BCL9: variants seen among roughly 807,000 people sequenced by gnomAD.
The protein encoded by BCL9 is BCL9 transcription coactivator.
Under a neutral mutation model 88.5 loss-of-function variants are expected in BCL9, and 25 were observed. The observed-to-expected ratio is 0.28, with a 90% CI of 0.21 to 0.39. BCL9 has a LOEUF of 0.39. Ranked by LOEUF, BCL9 falls within the 10% of genes least tolerant of loss-of-function variation. BCL9 has a pLI of 1.00. For missense variants in BCL9, 1,817 were observed against 1,877.8 expected, an observed-to-expected ratio of 0.97 and a Z score of 0.60; for synonymous variants, 711 against 673.3, an observed-to-expected ratio of 1.06 and a Z score of -0.87.
chr1:147,593,079 C>T (rs1656913723), intron 1 of BCL9, among the ~76,000 whole-genome samples: 1 of 152,160 alleles, frequency 6.6e-6, no homozygotes, highest in Admixed American at 6.5e-5. Flanking sequence ...TTATTACCAT[C>T]ACCATCATCA....
chr1:147,604,564 GGGAT>G (rs1236322746), intron 1 of BCL9, among the ~76,000 whole-genome samples: 1 of 152,172 alleles, frequency 6.6e-6, no homozygotes, highest in Admixed American at 6.5e-5. Context: ...AGGCCTCAGT[GGGAT>G]GGATTTGGGC....
chr1:147,615,728 G>T, intron 6 of BCL9, 75 bp from the exon 7 acceptor site: 1 of 1,213,326 alleles, frequency 8.2e-7, no homozygotes, highest in Non-Finnish European at 1.2e-6. Context: ...TTATTGTGTG[G>T]TTAAAGTGCT....
chr1:147,607,506 A>G (rs587623779), intron 3 of BCL9, among the ~76,000 whole-genome samples: 1 of 152,364 alleles, frequency 6.6e-6, no homozygotes, highest in African/African-American at 2.4e-5. Context: ...ATATGTAATT[A>G]CAAAGCATGA....
intron 8 of BCL9, among the ~76,000 whole-genome samples, chr1:147,621,793 A>T (rs1418422606): frequency 6.6e-6 from 1 of 152,098 alleles, no homozygotes; most frequent in African/African-American, 2.4e-5. Context: ...GCCCCCTCAG[A>T]CCTTCTTGGT....
At chr1:147,571,498 G>A (rs587757573) in intron 1 of BCL9, among the ~76,000 whole-genome samples, 1 of 152,266 alleles carries the variant, frequency 6.6e-6, no homozygotes, top group South Asian at 2.1e-4. Flanking sequence ...CAAAGCTCCT[G>A]GGTTGGGAGG....
At chr1:147,567,173 C>CT (rs1655643666) in intron 1 of BCL9, among the ~76,000 whole-genome samples, 1 of 152,156 alleles carries the variant, frequency 6.6e-6, no homozygotes, top group Non-Finnish European at 1.5e-5. Flanking sequence ...CCCAACCCTC[C>CT]TTCTGCTGAC....
intron 2 of BCL9, 38 bp from the exon 3 acceptor site, chr1:147,606,746 T>A (rs1247869367): frequency 3.3e-5 from 5 of 152,556 alleles, no homozygotes; most frequent in East Asian, 1.9e-4. Context: ...TTGATTTTTT[T>A]AAAAATCTGC....
At chr1:147,574,217 CA>C (rs1477992550) in intron 1 of BCL9, among the ~76,000 whole-genome samples, 3 of 152,124 alleles carry the variant, frequency 2.0e-5, no homozygotes, top group African/African-American at 7.2e-5. Context: ...AATATAACTG[CA>C]AGGCAAAAGG....
chr1:147,563,600 A>G (rs949645005), intron 1 of BCL9, among the ~76,000 whole-genome samples: 5 of 152,140 alleles, frequency 3.3e-5, no homozygotes, highest in Non-Finnish European at 7.4e-5. Context: ...TGCCATAGTC[A>G]CCGATCCTAT....
chr1:147,546,386 CT>C (rs782208050), intron 1 of BCL9, among the ~76,000 whole-genome samples: 2 of 151,824 alleles, frequency 1.3e-5, no homozygotes, highest in East Asian at 1.9e-4. Flanking sequence ...CATCCCCCCC[CT>C]TTTTTTAAAA....
In BCL9 at chr1:147,619,466, T is replaced by C. The variant is rs962532646; in HGVS notation, c.1311T>C (p.Asp437=). The C allele has an allele frequency of 1.2e-6, 2 of 1,614,062 alleles. No individual in the cohort carries two copies. The highest frequency in any genetic ancestry group is 1.3e-5 in the African/African-American group (1 of 75,012). The change falls in exon 8 of 10, where the codon GAT becomes GAC. Residue 437 remains aspartate, a synonymous_variant. Transcript: ENST00000234739. The surrounding 1 kb of genome is among the most constrained non-coding windows in gnomAD (Gnocchi z 4.1). The part of the protein sequence containing the change: ...GAPFGPQGHR[D]VPFSPDEMVP... ...CATTTGGCCCTCAAGGACATAGAGATGTACCCTTTTCTCCAGATGAAATGG... is the reference window on the plus strand; with the variant it reads ...CATTTGGCCCTCAAGGACATAGAGACGTACCCTTTTCTCCAGATGAAATGG...
chr1:147,564,661 T>C (rs1343949946), intron 1 of BCL9, among the ~76,000 whole-genome samples: 1 of 152,226 alleles, frequency 6.6e-6, no homozygotes, highest in Non-Finnish European at 1.5e-5. Context: ...ATTACAACTG[T>C]AAGGTACTAT....
chr1:147,600,020 A>AG (rs1298027078), intron 1 of BCL9, among the ~76,000 whole-genome samples: 20 of 90,984 alleles, frequency 2.2e-4, no homozygotes, highest in Admixed American at 4.4e-4. Context: ...GCCGGTGGGG[A>AG]GGGGGCACCC....
intron 1 of BCL9, among the ~76,000 whole-genome samples, chr1:147,544,264 A>G (rs1654454284): frequency 6.6e-6 from 1 of 152,196 alleles, no homozygotes; most frequent in Admixed American, 6.5e-5. Flanking sequence ...TATTGACTCA[A>G]AGTGTGTAAC....
intron 1 of BCL9, among the ~76,000 whole-genome samples, chr1:147,556,141 C>T (rs1174921502): frequency 1.3e-5 from 2 of 152,120 alleles, no homozygotes; most frequent in Non-Finnish European, 2.9e-5. Context: ...TATTTTGAGA[C>T]AGAGTCTCAC....
chr1:147,574,693 A>T (rs587621863), intron 1 of BCL9, among the ~76,000 whole-genome samples: 1 of 152,320 alleles, frequency 6.6e-6, no homozygotes, highest in African/African-American at 2.4e-5. Flanking sequence ...GTGTTACAAT[A>T]TTGTAATTAA....
rs374426466 is a variant in BCL9 at position 147,624,316 on chromosome 1, C to T, written c.3638C>T (p.Ser1213Leu). Residue 1213 changes from serine to leucine, a missense_variant, in exon 10 of 10, where the codon TCG becomes TTG. By Grantham distance (145) the Ser-to-Leu change is moderately radical (BLOSUM62 -2). This residue lies in a region of BCL9 where 589 missense variants were observed against 686.2 expected (regional missense o/e 0.86). Transcript: ENST00000234739. The surrounding 1 kb of genome is among the most constrained non-coding windows in gnomAD (Gnocchi z 4.4). Reference sequence around the variant, plus strand: ...ACTGTCCTGGGGAACAGCATGCCTTCGGTGTTTACAGACCCAGATCTGCAG... The same window carrying T: ...ACTGTCCTGGGGAACAGCATGCCTTTGGTGTTTACAGACCCAGATCTGCAG... ...SFTVLGNSMP[S>L]VFTDPDLQEV... The T allele has an allele frequency of 2.5e-4, 398 of 1,614,036 alleles. 1 individual carries two copies. The highest frequency in any genetic ancestry group is 3.2e-4 in the Non-Finnish European group (381 of 1,180,038).
At chr1:147,551,314 C>A (rs1654893774) in intron 1 of BCL9, among the ~76,000 whole-genome samples, 1 of 152,148 alleles carries the variant, frequency 6.6e-6, no homozygotes, top group Non-Finnish European at 1.5e-5. Context: ...TTTCCAAAGT[C>A]ATATAATTGC....
chr1:147,568,482 G>GCA (rs1170116966), intron 1 of BCL9, among the ~76,000 whole-genome samples: 1 of 148,642 alleles, frequency 6.7e-6, no homozygotes, highest in African/African-American at 2.5e-5. Flanking sequence ...AAGCAAAAAA[G>GCA]AAAAAAAAAA....
Sources: allele counts gnomAD v4.1 joint callset (sites outside exome capture counted in the v4.1 genomes callset), GRCh38; gene constraint gnomAD v4.1.1; regional missense constraint gnomAD v4.1.1; non-coding constraint Gnocchi (gnomAD v3.1); transcripts MANE v1.5; gene names NCBI Gene and HGNC (gene_info 2026-07-23, HGNC 2026-07-21).